The following ARHGAP39 variants were observed in gnomAD, a reference collection of about 807,000 sequenced individuals.
ARHGAP39 encodes the protein rho GTPase-activating protein 39.
In ARHGAP39, 44 loss-of-function variants were observed where a neutral mutation model predicts 106.9. That is an observed-to-expected ratio of 0.41 (90% CI 0.32 to 0.53). ARHGAP39 has a LOEUF of 0.53. Among genes scored for constraint, ARHGAP39 ranks in the 20% least tolerant of loss-of-function variants. ARHGAP39 has a pLI of 0.21. For synonymous variants in ARHGAP39, 768 were observed against 693.2 expected (o/e 1.11, Z -1.69); for missense variants, 1,496 against 1,577.3 (o/e 0.95, Z 0.87).
At chr8:144,613,613 GC>G (rs1471737390) in intron 1 of ARHGAP39, among the ~76,000 whole-genome samples, 2 of 150,308 alleles carry the variant, frequency 1.3e-5, no homozygotes, top group East Asian at 3.9e-4. Flanking sequence ...AAAAGGCCTT[GC>G]TTTTTTTTTT....
intron 4 of ARHGAP39, among the ~76,000 whole-genome samples, chr8:144,550,698 C>T (rs1267629112): frequency 6.6e-6 from 1 of 152,260 alleles, no homozygotes; most frequent in Non-Finnish European, 1.5e-5. Flanking sequence ...GTGCCTGTTC[C>T]TGGGATTTCT....
intron 2 of ARHGAP39, among the ~76,000 whole-genome samples, chr8:144,601,251 C>T (rs182868975): frequency 4.8e-5 from 5 of 104,114 alleles, no homozygotes; most frequent in East Asian, 3.4e-4. Flanking sequence ...TGCATGGAGG[C>T]GTGTGTGCTC....
intron 2 of ARHGAP39, among the ~76,000 whole-genome samples, chr8:144,592,672 G>C (rs1207496063): frequency 6.6e-6 from 1 of 151,556 alleles, no homozygotes; most frequent in African/African-American, 2.4e-5. Context: ...GCACCTCCTG[G>C]GGGACAGCAT....
intron 1 of ARHGAP39, among the ~76,000 whole-genome samples, chr8:144,651,331 C>G (rs1821568520): frequency 6.6e-6 from 1 of 152,120 alleles, no homozygotes; most frequent in Admixed American, 6.6e-5. Flanking sequence ...CCATAATGTA[C>G]AAAGAAATTT....
At position 144,530,524 on chromosome 8, in the gene ARHGAP39, G is replaced by A. The variant is rs1400390245; in HGVS notation, c.3243C>T (p.Ser1081=). 1.2e-6 allele frequency: 2 copies of A among 1,611,900 alleles called. No individual in the cohort carries two copies. The highest frequency in any genetic ancestry group is 8.5e-7 in the Non-Finnish European group (1 of 1,179,666). The part of the protein sequence containing the change: ...VMAPNCLRCQ[S]DDPRVIFENT... ...TCTCGAAGATGACGCGCGGGTCGTC[G>A]GACTGGCAGCGCAAGCAGTTGGGCG... The change falls in exon 12 of 12, where the codon TCC becomes TCT. Residue 1081 remains serine (S), a synonymous_variant. Transcript: ENST00000377307.
intron 3 of ARHGAP39, among the ~76,000 whole-genome samples, chr8:144,564,266 C>A (rs989357480): frequency 2.6e-5 from 4 of 152,216 alleles, no homozygotes; most frequent in African/African-American, 9.7e-5. Context: ...GGAATGCCAA[C>A]TCCTTTTGGT....
chr8:144,539,041 A>G (rs1182176499), intron 6 of ARHGAP39, among the ~76,000 whole-genome samples: 1 of 151,924 alleles, frequency 6.6e-6, no homozygotes, highest in Non-Finnish European at 1.5e-5. Flanking sequence ...CATCTCGTAT[A>G]TGCCCCGCAC....
At chr8:144,535,898 G>A (rs1298875224) in intron 7 of ARHGAP39, among the ~76,000 whole-genome samples, 2 of 152,220 alleles carry the variant, frequency 1.3e-5, no homozygotes, top group African/African-American at 2.4e-5. Flanking sequence ...GGCAGCTGCC[G>A]GTGTCACAAC....
intron 6 of ARHGAP39, among the ~76,000 whole-genome samples, chr8:144,543,033 G>A (rs764362978): frequency 7.2e-5 from 11 of 151,766 alleles, no homozygotes; most frequent in South Asian, 2.1e-4. Context: ...GCAGTGGTAC[G>A]ATCATGACTC....
At chr8:144,642,802 C>T (rs1821345795) in intron 1 of ARHGAP39, among the ~76,000 whole-genome samples, 1 of 152,198 alleles carries the variant, frequency 6.6e-6, no homozygotes, top group Admixed American at 6.5e-5. Context: ...AACTAAACCT[C>T]TTTCCTTTAT....
intron 3 of ARHGAP39, among the ~76,000 whole-genome samples, chr8:144,557,743 C>T (rs1032158311): frequency 4.6e-5 from 7 of 152,078 alleles, no homozygotes; most frequent in African/African-American, 1.4e-4. Flanking sequence ...GCTGAACCTT[C>T]GTAGTATTCA....
At chr8:144,619,289 G>T (rs1247234071) in intron 1 of ARHGAP39, among the ~76,000 whole-genome samples, 3 of 152,252 alleles carry the variant, frequency 2.0e-5, no homozygotes, top group African/African-American at 7.2e-5. Flanking sequence ...ATAGACCAGG[G>T]TGCCAGAGGC....
intron 2 of ARHGAP39, among the ~76,000 whole-genome samples, chr8:144,597,516 G>A (rs188080983): frequency 2.6e-5 from 4 of 152,330 alleles, no homozygotes; most frequent in South Asian, 2.1e-4. Context: ...ACACTGAGGC[G>A]TGGACAGAGA....
intron 1 of ARHGAP39, among the ~76,000 whole-genome samples, chr8:144,678,005 C>G (rs925785550): frequency 6.6e-6 from 1 of 152,178 alleles, no homozygotes; most frequent in African/African-American, 2.4e-5. Flanking sequence ...GAGTCCCTCC[C>G]CCTGCTGCGC....
At chr8:144,566,162 A>G (rs1306704291) in intron 3 of ARHGAP39, among the ~76,000 whole-genome samples, 1 of 152,200 alleles carries the variant, frequency 6.6e-6, no homozygotes, top group Non-Finnish European at 1.5e-5. Flanking sequence ...TGAAGACCAT[A>G]AACTGAGAGG....
In ARHGAP39 at chr8:144,631,552, A is replaced by G. The variant is rs550941091; in HGVS notation, c.-81-25857T>C. 4.5e-4 allele frequency among the ~76,000 whole-genome samples: 69 copies of G among 152,306 alleles called. No homozygotes were observed. The South Asian group carries it at 0.014, about 32-fold the overall frequency. ...ATGCTCTTCTCTGTGAAGAGTCTCT[A>G]TCTTCTGCAAGTTGAAGTTGGTCTG... On this transcript the variant is annotated intron_variant, in intron 1 of 11. Transcript: ENST00000377307.
At chr8:144,598,444 G>A (rs1457823290) in intron 2 of ARHGAP39, among the ~76,000 whole-genome samples, 1 of 152,244 alleles carries the variant, frequency 6.6e-6, no homozygotes, top group Non-Finnish European at 1.5e-5. Flanking sequence ...GTCAGGTGTG[G>A]CTGGGCACAG....
At chr8:144,642,820 CCAGT>C (rs1821345988) in intron 1 of ARHGAP39, among the ~76,000 whole-genome samples, 1 of 152,102 alleles carries the variant, frequency 6.6e-6, no homozygotes, top group Non-Finnish European at 1.5e-5. Context: ...TATAAATTAC[CCAGT>C]CTCGGGTATG....
Position 144,530,102 on chromosome 8 carries a change from A to C in ARHGAP39, c.*320T>G. On this transcript the variant is annotated 3_prime_UTR_variant, in exon 12 of 12. Coordinates refer to ENST00000377307, the MANE Select transcript of ARHGAP39 (RefSeq NM_025251.3). ...GCCACAGGGAGGCAGCCCGGCCCCA[A>C]GGAGGCAGCGTCGCTCGGCTCCAGG... is the stretch of plus-strand genomic sequence containing the variant. 3.0e-6 allele frequency: 1 copy of C among 333,618 alleles called. No individual in the cohort carries two copies. Among genetic ancestry groups the C allele is most frequent in the South Asian group, 4.5e-5 (1 of 22,120 alleles). The allele number at this position is 333,618 out of a possible 1,614,324, so 20.7% of individuals were successfully genotyped here.
Sources: gnomAD v4.1 joint callset for allele counts (sites outside exome capture counted in the v4.1 genomes callset) on GRCh38, gnomAD v4.1.1 for gene constraint, MANE v1.5 for transcripts, NCBI Gene and HGNC (gene_info 2026-07-23, HGNC 2026-07-21) for gene names.